Variants in VPS13A observed in about 807,000 individuals in gnomAD.
The protein encoded by VPS13A is vacuolar protein sorting 13 homolog A.
VPS13A carries 264 observed loss-of-function variants against 390.9 expected under a neutral mutation model. That is an observed-to-expected ratio of 0.68 (90% confidence interval 0.61 to 0.75). The LOEUF (loss-of-function observed/expected upper bound fraction) is 0.75, where lower values mean the gene tolerates loss of function less well. VPS13A is among the 30% of genes least tolerant of loss of function. The pLI, the probability that VPS13A is intolerant of heterozygous loss-of-function variation, is 0.00. For synonymous variants in VPS13A, 1,231 were observed against 1,227.1 expected (o/e 1.00, Z -0.07); for missense variants, 3,409 against 3,733.9 (o/e 0.91, Z 2.27).
chr9:77,377,043 G>T (rs1049871122), intron 67 of VPS13A, among the ~76,000 whole-genome samples: 1 of 152,150 alleles, frequency 6.6e-6, no homozygotes. Context: ...AATTTGGGGA[G>T]TGTAGCCATC....
intron 68 of VPS13A, among the ~76,000 whole-genome samples, chr9:77,385,377 A>G (rs964777254): frequency 2.0e-5 from 3 of 151,936 alleles, no homozygotes; most frequent in Admixed American, 2.0e-4. Flanking sequence ...TTGTGAAACA[A>G]TGAACAAAGT....
chr9:77,365,565 C>A lies in VPS13A; in HGVS notation c.8317C>A (p.Pro2773Thr). The part of the protein sequence containing the change: ...VSLYEYFHIS[P>T]IKLHLSVSLS... The stretch of plus-strand genomic sequence containing the variant: ...CCTCTATGAATATTTTCATATATCT[C>A]CTATCAAGGTAGGAGAAAGTCATTT... The change falls in exon 60 of 72, where the codon CCT (proline) becomes ACT (threonine). Residue 2773 changes from proline (P) to threonine (T), a missense_variant. This residue lies in a region of VPS13A where 123 missense variants were observed against 118.7 expected (regional missense o/e 1.04). Transcript: ENST00000360280. 6.2e-7 allele frequency: 1 copy of A among 1,600,658 alleles called. No individual in the cohort carries two copies. The highest frequency in any genetic ancestry group is 1.1e-5 in the South Asian group (1 of 90,700).
intron 50 of VPS13A, among the ~76,000 whole-genome samples, chr9:77,341,129 G>T (rs1479758926): frequency 1.3e-5 from 2 of 152,082 alleles, no homozygotes; most frequent in African/African-American, 2.4e-5. Context: ...TCCTTGTTGG[G>T]ATTATTCTTG....
chr9:77,389,482 T>G (rs1232652708), intron 68 of VPS13A, among the ~76,000 whole-genome samples: 1 of 151,996 alleles, frequency 6.6e-6, no homozygotes, highest in Non-Finnish European at 1.5e-5. Context: ...ATTTTTTAAA[T>G]TTTTTCGTAG....
intron 17 of VPS13A, among the ~76,000 whole-genome samples, chr9:77,233,667 G>C (rs1264037220): frequency 6.6e-6 from 1 of 151,514 alleles, no homozygotes; most frequent in Non-Finnish European, 1.5e-5. Context: ...CCTGTTGCTT[G>C]TTTAAGAGTG....
At chr9:77,190,577 T>A (rs1346454556) in intron 1 of VPS13A, among the ~76,000 whole-genome samples, 1 of 152,220 alleles carries the variant, frequency 6.6e-6, no homozygotes, top group Non-Finnish European at 1.5e-5. Context: ...ATCAGAATGA[T>A]GCTGGCTTCA....
intron 1 of VPS13A, among the ~76,000 whole-genome samples, chr9:77,189,546 C>G (rs553131784): frequency 6.6e-6 from 1 of 152,170 alleles, no homozygotes; most frequent in South Asian, 2.1e-4. Flanking sequence ...ATGCCTCAGG[C>G]TTTATTCTTT....
At chr9:77,411,660 CAA>C (rs1169254413) in intron 71 of VPS13A, among the ~76,000 whole-genome samples, 3,591 of 33,418 alleles carry the variant, frequency 0.11, 36 homozygotes, top group South Asian at 0.23. Flanking sequence ...AACTCCATCT[CAA>C]AAAAAAAAAA....
chr9:77,364,818 G>A (rs1235456147), intron 59 of VPS13A, among the ~76,000 whole-genome samples: 2 of 152,082 alleles, frequency 1.3e-5, no homozygotes, highest in Non-Finnish European at 2.9e-5. Context: ...TATCAGTTTA[G>A]CTGGGGTGCT....
chr9:77,238,494 TA>T, intron 19 of VPS13A, 108 bp downstream of exon 19: 4 of 883,284 alleles, frequency 4.5e-6, no homozygotes, highest in Non-Finnish European at 7.3e-6. Context: ...ATTATATTTC[TA>T]GACTGGTTTT....
At chr9:77,284,477 TC>T (rs1349627403) in intron 31 of VPS13A, among the ~76,000 whole-genome samples, 1 of 152,202 alleles carries the variant, frequency 6.6e-6, no homozygotes, top group Non-Finnish European at 1.5e-5. Flanking sequence ...AAGAAGTGAC[TC>T]ATAGCAATAA....
chr9:77,275,725 T>C, intron 25 of VPS13A, 73 bp downstream of exon 25: 1 of 1,496,044 alleles, frequency 6.7e-7, no homozygotes, highest in Non-Finnish European at 9.2e-7. Flanking sequence ...CTATATAGTC[T>C]CATTGTTAAG....
chr9:77,238,224 A>C, intron 18 of VPS13A, 33 bp downstream of exon 18: 3 of 1,607,550 alleles, frequency 1.9e-6, no homozygotes, highest in Non-Finnish European at 2.6e-6. Flanking sequence ...AAGTTTTAAT[A>C]TAATTTAGTT....
chr9:77,262,004 T>A (rs1177112254), intron 23 of VPS13A, among the ~76,000 whole-genome samples: 1 of 152,254 alleles, frequency 6.6e-6, no homozygotes, highest in Non-Finnish European at 1.5e-5. Flanking sequence ...CTGGTTTTGA[T>A]ATGCTTTTTT....
chr9:77,306,850 G>T (rs1009022120), intron 34 of VPS13A, among the ~76,000 whole-genome samples: 9 of 151,930 alleles, frequency 5.9e-5, no homozygotes, highest in Admixed American at 5.2e-4. Context: ...ATTAAGGCAG[G>T]TCTTATGCTG....
intron 53 of VPS13A, among the ~76,000 whole-genome samples, chr9:77,351,891 A>G (rs59018831): frequency 3.3e-5 from 5 of 152,276 alleles, no homozygotes; most frequent in African/African-American, 1.2e-4. Context: ...AAAAAACAAC[A>G]GTATTTGATT....
chr9:77,344,935 T>G (rs569685422), intron 51 of VPS13A, 74 bp from the exon 52 acceptor site: 1 of 1,505,516 alleles, frequency 6.6e-7, no homozygotes, highest in Admixed American at 1.7e-5. Context: ...ATGAATAGTC[T>G]GTTCTTAAAT....
chr9:77,183,079 G>GT (rs1740955554), intron 1 of VPS13A, among the ~76,000 whole-genome samples: 1 of 152,042 alleles, frequency 6.6e-6, no homozygotes, highest in Admixed American at 6.6e-5. Flanking sequence ...TTATATTTAT[G>GT]TTCTAAGATA....
At chr9:77,254,024 G>T (rs1186110492) in intron 22 of VPS13A, among the ~76,000 whole-genome samples, 1 of 145,334 alleles carries the variant, frequency 6.9e-6, no homozygotes, top group Non-Finnish European at 1.5e-5. Flanking sequence ...CTCACTGCAG[G>T]CTCCGCCCCC....
Sources: gnomAD v4.1 joint callset for allele counts (sites outside exome capture counted in the v4.1 genomes callset) on GRCh38, gnomAD v4.1.1 for gene constraint, gnomAD v4.1.1 regional missense constraint, MANE v1.5 for transcripts, NCBI Gene and HGNC (gene_info 2026-07-23, HGNC 2026-07-21) for gene names.